Variants in CCSER1 observed in about 807,000 individuals in gnomAD.
CCSER1 encodes coiled-coil serine rich protein 1.
CCSER1 carries 41 observed loss-of-function variants against 82.0 expected under a neutral mutation model. The observed-to-expected ratio is 0.50, with a 90% CI of 0.39 to 0.65. The LOEUF is 0.65. CCSER1 is among the 30% of genes least tolerant of loss of function. The pLI, the probability that CCSER1 is intolerant of heterozygous loss-of-function variation, is 0.00. For missense variants in CCSER1, 1,119 were observed against 1,064.2 expected, an observed-to-expected ratio of 1.05 and a Z score of -0.72; for synonymous variants, 414 against 383.9, an observed-to-expected ratio of 1.08 and a Z score of -0.92.
intron 3 of CCSER1, among the ~76,000 whole-genome samples, chr4:90,372,003 A>G (rs555532771): frequency 3.3e-5 from 5 of 152,352 alleles, no homozygotes; most frequent in Admixed American, 3.3e-4. Flanking sequence ...TTCACATATT[A>G]ACCCATACCT....
chr4:90,232,229 A>G (rs970729940), intron 1 of CCSER1, among the ~76,000 whole-genome samples: 6 of 151,946 alleles, frequency 3.9e-5, no homozygotes, highest in African/African-American at 1.5e-4. Flanking sequence ...ACTATACTAC[A>G]AGGCTACAGT....
chr4:91,429,103 C>G (rs780478671), intron 10 of CCSER1, among the ~76,000 whole-genome samples: 19 of 151,910 alleles, frequency 1.3e-4, no homozygotes, highest in Non-Finnish European at 2.2e-4. Context: ...ATTAGTTCTT[C>G]TATTATCATA....
intron 10 of CCSER1, among the ~76,000 whole-genome samples, chr4:91,537,816 ATG>A (rs1345218341): frequency 1.2e-5 from 1 of 86,496 alleles, no homozygotes; most frequent in Non-Finnish European, 2.5e-5. Flanking sequence ...GTAAAACCAC[ATG>A]TTTTTTTTCT....
chr4:91,290,166 G>C (rs1190648777), intron 10 of CCSER1, among the ~76,000 whole-genome samples: 1 of 151,938 alleles, frequency 6.6e-6, no homozygotes, highest in African/African-American at 2.4e-5. Context: ...GTTTTTCTCA[G>C]ACAAATAAAT....
chr4:90,692,768 ATTATT>A (rs1736238758), intron 6 of CCSER1, among the ~76,000 whole-genome samples: 1 of 151,976 alleles, frequency 6.6e-6, no homozygotes, highest in African/African-American at 2.4e-5. Context: ...AAATTACAAT[ATTATT>A]TTATTTTAGT....
chr4:90,538,284 A>T (rs896996406), intron 5 of CCSER1, among the ~76,000 whole-genome samples: 4 of 152,058 alleles, frequency 2.6e-5, no homozygotes, highest in East Asian at 1.9e-4. Context: ...TGCAGTTTTG[A>T]TATTCTCTAT....
At chr4:90,987,762 G>A (rs557687420) in intron 9 of CCSER1, among the ~76,000 whole-genome samples, 29 of 151,792 alleles carry the variant, frequency 1.9e-4, no homozygotes, top group South Asian at 1.0e-3. Flanking sequence ...ATAGATCTCT[G>A]AGGATGCAAA....
intron 10 of CCSER1, among the ~76,000 whole-genome samples, chr4:91,158,185 A>T (rs1437199936): frequency 6.6e-6 from 1 of 152,034 alleles, no homozygotes; most frequent in African/African-American, 2.4e-5. Flanking sequence ...GCACTTTCAG[A>T]TCACTTGAAT....
In CCSER1 at chr4:91,392,049, T is replaced by G. The variant is rs553271351; in HGVS notation, c.2218-206523T>G. Reference sequence around the variant, plus strand: ...CGATACAGCAATTGTACTCTATTTGTAGTATTTGAAATAGATACTGTCACA... The same window carrying G: ...CGATACAGCAATTGTACTCTATTTGGAGTATTTGAAATAGATACTGTCACA... On this transcript the variant is annotated intron_variant, in intron 10 of 10. Coordinates refer to ENST00000509176, the MANE Select transcript of CCSER1 (RefSeq NM_001145065.2). 9.2e-5 allele frequency among the ~76,000 whole-genome samples: 14 copies of G among 152,226 alleles called. 1 individual carries two copies. The South Asian group carries it at 2.9e-3, about 32-fold the overall frequency.
intron 7 of CCSER1, among the ~76,000 whole-genome samples, chr4:90,791,771 G>A (rs1291534448): frequency 7.3e-5 from 11 of 150,464 alleles, no homozygotes; most frequent in African/African-American, 2.2e-4. Flanking sequence ...GTAGTGAGCC[G>A]AGATCGCGCC....
At chr4:90,531,860 A>C (rs903064210) in intron 5 of CCSER1, among the ~76,000 whole-genome samples, 1 of 152,216 alleles carries the variant, frequency 6.6e-6, no homozygotes, top group African/African-American at 2.4e-5. Context: ...GCACCAAATA[A>C]GAAATGTCAG....
intron 8 of CCSER1, among the ~76,000 whole-genome samples, chr4:90,870,476 T>C (rs1766331121): frequency 1.3e-5 from 2 of 151,974 alleles, no homozygotes; most frequent in Non-Finnish European, 1.5e-5. Flanking sequence ...TCATTTTGTT[T>C]TTATGATGTA....
intron 8 of CCSER1, among the ~76,000 whole-genome samples, chr4:90,823,449 CTGTT>C (rs1419198330): frequency 6.6e-6 from 1 of 151,984 alleles, no homozygotes; most frequent in Non-Finnish European, 1.5e-5. Context: ...TAGCTGTAAA[CTGTT>C]TGTGTTTCTA....
chr4:91,524,434 G>A lies in CCSER1; in HGVS notation c.2218-74138G>A, dbSNP rs576006168. 2.6e-5 allele frequency among the ~76,000 whole-genome samples: 4 copies of A among 152,310 alleles called. No individual in the cohort carries two copies. In the South Asian group the frequency reaches 6.2e-4, roughly 24 times the overall value. ...GGATAAAGACACAAGTCTGCTCAAT[G>A]AGATGTAGTTACAAGATGCTCTGGC... On this transcript the variant is annotated intron_variant, in intron 10 of 10. Transcript: ENST00000509176.
intron 6 of CCSER1, among the ~76,000 whole-genome samples, chr4:90,652,683 A>G (rs1355267895): frequency 6.6e-6 from 1 of 152,216 alleles, no homozygotes; most frequent in Non-Finnish European, 1.5e-5. Context: ...TATGAGTATA[A>G]TAACTTACAA....
intron 7 of CCSER1, among the ~76,000 whole-genome samples, chr4:90,744,967 ATATATG>A (rs1391618058): frequency 2.0e-5 from 3 of 151,064 alleles, no homozygotes; most frequent in Admixed American, 2.0e-4. Context: ...TATTATATAT[ATATATG>A]TACTGCTATA....
At chr4:90,847,535 A>G (rs1580758236) in intron 8 of CCSER1, among the ~76,000 whole-genome samples, 3 of 152,210 alleles carry the variant, frequency 2.0e-5, no homozygotes, top group Admixed American at 2.0e-4. Context: ...TCCATCTTTT[A>G]CATTAAAATC....
chr4:90,704,439 A>G (rs985952832), intron 6 of CCSER1, among the ~76,000 whole-genome samples: 1 of 152,066 alleles, frequency 6.6e-6, no homozygotes, highest in Non-Finnish European at 1.5e-5. Flanking sequence ...GGTGAATCTG[A>G]CAATTATGTG....
intron 1 of CCSER1, among the ~76,000 whole-genome samples, chr4:90,218,596 A>G (rs1741541076): frequency 6.6e-6 from 1 of 152,222 alleles, no homozygotes; most frequent in African/African-American, 2.4e-5. Flanking sequence ...TAGCTACATA[A>G]TAAGGGCAAG....
Sources: allele counts gnomAD v4.1 joint callset (sites outside exome capture counted in the v4.1 genomes callset), GRCh38; gene constraint gnomAD v4.1.1; transcripts MANE v1.5; gene names NCBI Gene and HGNC (gene_info 2026-07-23, HGNC 2026-07-21).